MICAL2: variants seen among roughly 807,000 people sequenced by gnomAD.
MICAL2 encodes microtubule associated monooxygenase, calponin and LIM domain containing 2.
In MICAL2, 77 loss-of-function variants were observed where a neutral mutation model predicts 127.3. The observed-to-expected ratio is 0.60, with a 90% CI of 0.50 to 0.73. The LOEUF (loss-of-function observed/expected upper bound fraction) is 0.73, where lower values mean the gene tolerates loss of function less well. Ranked by LOEUF, MICAL2 falls within the 30% of genes least tolerant of loss-of-function variation. The probability of loss-of-function intolerance (pLI) is 0.00; values close to 1 mark genes in which losing one functional copy is unlikely to be tolerated. For missense variants in MICAL2, 1,351 were observed against 1,434.4 expected (o/e 0.94, Z 0.94); for synonymous variants, 570 against 551.1 (o/e 1.03, Z -0.48).
intron 2 of MICAL2, among the ~76,000 whole-genome samples, chr11:12,281,851 AC>A (rs1423289211): frequency 6.6e-6 from 1 of 152,206 alleles, no homozygotes; most frequent in Non-Finnish European, 1.5e-5. Flanking sequence ...TACAAAGTTG[AC>A]CTGGAACTGA....
chr11:12,231,612 C>A (rs750071037), intron 15 of MICAL2, among the ~76,000 whole-genome samples: 1 of 152,210 alleles, frequency 6.6e-6, no homozygotes, highest in African/African-American at 2.4e-5. Context: ...ACGAAACAAG[C>A]GAGGACCCTG....
upstream of MICAL2, among the ~76,000 whole-genome samples, chr11:12,272,957 G>A (rs1356497888): frequency 6.6e-6 from 1 of 152,216 alleles, no homozygotes; most frequent in East Asian, 1.9e-4. Flanking sequence ...CACGTCCATG[G>A]GGCAGGGCTA....
intron 3 of MICAL2, among the ~76,000 whole-genome samples, chr11:12,172,923 T>C (rs1159047340): frequency 1.3e-5 from 2 of 152,188 alleles, no homozygotes; most frequent in Non-Finnish European, 2.9e-5. Flanking sequence ...CTACCAGCTC[T>C]CCATGTAACA....
chr11:12,166,147 G>T (rs1482300739), intron 3 of MICAL2, among the ~76,000 whole-genome samples: 1 of 152,096 alleles, frequency 6.6e-6, no homozygotes, highest in African/African-American at 2.4e-5. Flanking sequence ...CAAAATTTTG[G>T]ACTCTGGTTA....
intron 32 of MICAL2, among the ~76,000 whole-genome samples, chr11:12,330,829 C>CAGAGAGAGAGAGAGAGGGAG (rs1381650434): frequency 0.019 from 1,283 of 69,228 alleles, 36 homozygotes; most frequent in South Asian, 0.038. Context: ...GAGGGAGAGA[C>CAGAGAGAGAGAGAGAGGGAG]AGACAGAGAG....
At position 12,208,007 on chromosome 11, in the gene MICAL2, C is replaced by G. The variant is rs758296203; in HGVS notation, c.473-16C>G. ...GGTATTGCTGTGACAGTTCCTCTCT[C>G]CTTCCTGCCTGACAGGTATTCGCCA... On this transcript the variant is annotated splice_polypyrimidine_tract_variant and intron_variant, in intron 4 of 27. Coordinates refer to ENST00000683283, the MANE Select transcript of MICAL2 (RefSeq NM_001282663.2). 5.6e-6 allele frequency: 9 copies of G among 1,596,616 alleles called. No homozygotes were observed. In the Middle Eastern group the frequency reaches 1.3e-3, roughly 235 times the overall value.
At chr11:12,267,159 C>T (rs572304952), downstream of MICAL2, among the ~76,000 whole-genome samples, 1 of 152,338 alleles carries the variant, frequency 6.6e-6, no homozygotes, top group South Asian at 2.1e-4. Context: ...TTCCCTCCCA[C>T]CACCTGCCGG....
At chr11:12,151,064 C>T (rs1325654588) in intron 2 of MICAL2, among the ~76,000 whole-genome samples, 1 of 152,072 alleles carries the variant, frequency 6.6e-6, no homozygotes, top group Non-Finnish European at 1.5e-5. Flanking sequence ...ACTCAGAAGC[C>T]CATGTTCTTT....
intron 32 of MICAL2, among the ~76,000 whole-genome samples, chr11:12,333,751 A>T (rs1938692196): frequency 6.6e-6 from 1 of 152,172 alleles, no homozygotes; most frequent in Non-Finnish European, 1.5e-5. Flanking sequence ...TAGAAAATGA[A>T]GTAATAAAGA....
intron 30 of MICAL2, among the ~76,000 whole-genome samples, chr11:12,322,833 A>G (rs1380716099): frequency 6.6e-6 from 1 of 152,214 alleles, no homozygotes; most frequent in African/African-American, 2.4e-5. Context: ...AAATCATGCT[A>G]TTAGTATTTA....
intron 32 of MICAL2, among the ~76,000 whole-genome samples, chr11:12,341,630 C>T (rs972045877): frequency 6.6e-6 from 1 of 152,044 alleles, no homozygotes; most frequent in African/African-American, 2.4e-5. Context: ...AGTTCAAGAC[C>T]AGCCTGGCCA....
chr11:12,241,119 C>G lies in MICAL2; in HGVS notation c.2294C>G (p.Pro765Arg). The change falls in exon 18 of 28, where the codon CCG becomes CGG. Residue 765 changes from proline (P) to arginine (R), a missense_variant. This residue lies in a region of MICAL2 where 752 missense variants were observed against 719.4 expected (regional missense o/e 1.05). Transcript: ENST00000683283. ...CCTGTTCACTCTTGCTGCCCCAAGC[C>G]GGAGGAGGCCACACCCAGCCCATCA... ...GPPVHSCCPK[P>R]EEATPSPSPP... 6.2e-7 allele frequency: 1 copy of G among 1,614,144 alleles called. No homozygotes were observed. The highest frequency in any genetic ancestry group is 8.5e-7 in the Non-Finnish European group (1 of 1,180,022).
chr11:12,168,365 C>CAT (rs1855794893), intron 3 of MICAL2, among the ~76,000 whole-genome samples: 2 of 151,530 alleles, frequency 1.3e-5, no homozygotes, highest in African/African-American at 2.4e-5. Context: ...CAAATACACA[C>CAT]ATACACACAC....
chr11:12,268,716 C>T (rs561305890), downstream of MICAL2, among the ~76,000 whole-genome samples: 238 of 152,278 alleles, frequency 1.6e-3, 2 homozygotes, highest in Middle Eastern at 6.8e-3. Context: ...CTCGGCCGGG[C>T]GCGGTCGCTC....
intron 2 of MICAL2, among the ~76,000 whole-genome samples, chr11:12,141,268 G>A (rs1294233315): frequency 6.6e-6 from 1 of 152,144 alleles, no homozygotes; most frequent in African/African-American, 2.4e-5. Context: ...GGCCTTGGGC[G>A]AGTCACAGAA....
downstream of MICAL2, chr11:12,294,029 G>A (rs1179754554): frequency 6.2e-7 from 1 of 1,614,210 alleles, no homozygotes; most frequent in Non-Finnish European, 8.5e-7. Context: ...CTCCATCCCT[G>A]AGAGTGTGCA....
intron 27 of MICAL2, chr11:12,262,739 G>A (rs1339412120): frequency 7.2e-6 from 4 of 557,452 alleles, no homozygotes; most frequent in Middle Eastern, 9.7e-4. Flanking sequence ...ATTTCCCATG[G>A]AGCTGGCAGC....
intron 4 of MICAL2, 53 bp downstream of exon 4, chr11:12,204,510 G>C (rs887801498): frequency 6.4e-7 from 1 of 1,560,166 alleles, no homozygotes; most frequent in African/African-American, 1.4e-5. Flanking sequence ...GACCCTGGGT[G>C]GGACATATCT....
chr11:12,296,604 G>T (rs537978176), downstream of MICAL2, among the ~76,000 whole-genome samples: 152 of 149,494 alleles, frequency 1.0e-3, no homozygotes, highest in African/African-American at 3.5e-3. Flanking sequence ...TAATACATTT[G>T]CATGGTTCAA....
Sources: gnomAD v4.1 joint callset for allele counts (sites outside exome capture counted in the v4.1 genomes callset) on GRCh38, gnomAD v4.1.1 for gene constraint, gnomAD v4.1.1 regional missense constraint, MANE v1.5 for transcripts, NCBI Gene and HGNC (gene_info 2026-07-23, HGNC 2026-07-21) for gene names.